PAQR3: variants seen among roughly 807,000 people sequenced by gnomAD.
PAQR3 encodes the protein Raf kinase trapping to Golgi.
PAQR3 carries 39 observed loss-of-function variants against 41.7 expected under a neutral mutation model. That is an observed-to-expected ratio of 0.93 (90% CI 0.72 to 1.22). The LOEUF is 1.22. PAQR3 is among the 50% of genes most tolerant of loss of function. The pLI, the probability that PAQR3 is intolerant of heterozygous loss-of-function variation, is 0.00. For missense variants in PAQR3, 366 were observed against 385.6 expected (o/e 0.95, Z 0.42); for synonymous variants, 140 against 140.6 (o/e 1.00, Z 0.03).
chr4:78,903,040 T>C (rs1734092327), intron 11 of PAQR3, among the ~76,000 whole-genome samples: 1 of 152,060 alleles, frequency 6.6e-6, no homozygotes. Flanking sequence ...CTTTTGAGTT[T>C]AGAATCCTTG....
intron 1 of PAQR3, 148 bp downstream of exon 1, chr4:78,938,892 G>A (rs1378750794): frequency 4.5e-6 from 3 of 667,134 alleles, no homozygotes; most frequent in South Asian, 4.1e-5. Context: ...GATAACGGGG[G>A]AGGAGAGGCG....
chr4:78,891,378 C>A (rs1343131067), intron 11 of PAQR3, among the ~76,000 whole-genome samples: 1 of 152,114 alleles, frequency 6.6e-6, no homozygotes, highest in Non-Finnish European at 1.5e-5. Context: ...ACCTTTTATT[C>A]ATTGTGCTGG....
Position 78,919,397 on chromosome 4 carries a change from G to A in PAQR3, c.*1142C>T, listed in dbSNP as rs149331696. ...ATAAGAGGGCTACAATGTATGATAG[G>A]GCAGTGAGTTCTATTTTTTAAGTAT... is the stretch of plus-strand genomic sequence containing the variant. On this transcript the variant is annotated 3_prime_UTR_variant, in exon 6 of 6. Transcript: ENST00000512733. The A allele has an allele frequency of 3.0e-6, 3 of 984,368 alleles. No homozygotes were observed. The African/African-American group carries it at 5.2e-5, about 17-fold the overall frequency. 61.0% of individuals were successfully genotyped at this position (984,368 alleles called of 1,614,324 possible).
chr4:78,926,595 C>G lies in PAQR3; in HGVS notation c.628G>C (p.Val210Leu). ...QRLRSIIFCS[V>L]SGYGVIPTLH... ...GTAGGAATCACTCCATATCCCGAAA[C>G]AGAACAAAAGATGATAGAACGGAGC... is the stretch of plus-strand genomic sequence containing the variant. Residue 210 changes from valine to leucine, a missense_variant, in exon 4 of 6, where the codon GTT becomes CTT. Physicochemically the swap from Val to Leu is conservative, Grantham distance 32. Coordinates refer to ENST00000512733, the MANE Select transcript of PAQR3 (RefSeq NM_001040202.2). The G allele has an allele frequency of 6.2e-7, 1 of 1,614,022 alleles. No homozygotes were observed. Among genetic ancestry groups the G allele is most frequent in the Non-Finnish European group, 8.5e-7 (1 of 1,179,956 alleles).
At chr4:78,894,858 T>TA (rs1733623151) in intron 11 of PAQR3, among the ~76,000 whole-genome samples, 1 of 152,198 alleles carries the variant, frequency 6.6e-6, no homozygotes, top group African/African-American at 2.4e-5. Flanking sequence ...CCTGAACACT[T>TA]AGAGGCCATT....
chr4:78,907,309 G>GT (rs1241176597), downstream of PAQR3, among the ~76,000 whole-genome samples: 5 of 152,144 alleles, frequency 3.3e-5, no homozygotes, highest in Admixed American at 2.0e-4. Context: ...GAAGTATAAA[G>GT]TGACAGATGT....
chr4:78,890,762 C>T lies in PAQR3; in HGVS notation c.*837-2614G>A, dbSNP rs563730141. ...AGAACTGGTTGCTTTCTGGAGCTGT[C>T]ACACTTATAATTCTAGTATTTTTCC... On this transcript the variant is annotated intron_variant and NMD_transcript_variant, in intron 11 of 12. Coordinates refer to the PAQR3 transcript ENST00000342820. 1.6e-4 allele frequency among the ~76,000 whole-genome samples: 24 copies of T among 152,288 alleles called. 1 individual carries two copies. In the South Asian group the frequency reaches 4.4e-3, roughly 28 times the overall value.
chr4:78,927,372 A>T (rs181417152), intron 3 of PAQR3, among the ~76,000 whole-genome samples: 265 of 152,378 alleles, frequency 1.7e-3, no homozygotes, highest in African/African-American at 6.1e-3. Context: ...TCTTTCAAAC[A>T]GACTTATTAG....
chr4:78,919,613 G>A lies in PAQR3; in HGVS notation c.*926C>T. 1 of 985,036 alleles carries A rather than the reference G, an allele frequency of 1.0e-6. No homozygotes were observed. Among genetic ancestry groups the A allele is most frequent in the South Asian group, 4.7e-5 (1 of 21,282 alleles). 61.0% of individuals were successfully genotyped at this position (985,036 alleles called of 1,614,324 possible). A position where few individuals can be genotyped will look rare whatever the true frequency, so the allele number is the denominator to read the frequency against. Reference sequence around the variant, plus strand: ...AGGTTCATTTCAGGGTCAAGACAGGGCCATCTAGATTCTATGGCCTTGCAA... The same window carrying A: ...AGGTTCATTTCAGGGTCAAGACAGGACCATCTAGATTCTATGGCCTTGCAA... On this transcript the variant is annotated 3_prime_UTR_variant, in exon 6 of 6. Transcript: ENST00000512733.
At position 78,918,260 on chromosome 4, in the gene PAQR3, CA is replaced by C; in HGVS notation, c.*2278del. ...TTAATCTTACTTTAATCTATAAAAA[CA>C]AAAATAACTTAAATATACATCATTA... On this transcript the variant is annotated 3_prime_UTR_variant, in exon 6 of 6. Coordinates refer to ENST00000512733, the MANE Select transcript of PAQR3 (RefSeq NM_001040202.2). The C allele has an allele frequency of 1.1e-6, 1 of 932,948 alleles. No individual in the cohort carries two copies. Among genetic ancestry groups the C allele is most frequent in the Non-Finnish European group, 1.3e-6 (1 of 782,908 alleles). The allele number at this position is 932,948 out of a possible 1,614,324, so 57.8% of individuals were successfully genotyped here.
chr4:78,911,874 TG>T, downstream of PAQR3: 7 of 1,613,992 alleles, frequency 4.3e-6, no homozygotes, highest in Non-Finnish European at 5.9e-6. Context: ...ATTCACTACA[TG>T]GGTCATTCCA....
chr4:78,928,922 A>G (rs1258369557), intron 3 of PAQR3, among the ~76,000 whole-genome samples: 1 of 152,242 alleles, frequency 6.6e-6, no homozygotes, highest in Non-Finnish European at 1.5e-5. Flanking sequence ...ATCATCAAGC[A>G]TTACATTGCA....
chr4:78,930,280 G>A lies in PAQR3; in HGVS notation c.394C>T (p.Arg132Trp), dbSNP rs376144025. 13 of 1,613,256 alleles carry A rather than the reference G, an allele frequency of 8.1e-6. No individual in the cohort carries two copies. Among genetic ancestry groups the A allele is most frequent in the East Asian group, 2.2e-5 (1 of 44,832 alleles). Residue 132 changes from arginine to tryptophan, a missense_variant, in exon 3 of 6, where the codon CGG becomes TGG. Physicochemically the swap from Arg to Trp is moderately radical, Grantham distance 101. Coordinates refer to ENST00000512733, the MANE Select transcript of PAQR3 (RefSeq NM_001040202.2). Reference protein sequence around the residue: ...SVGYHLFSCHRSEKTCRRWMA... With the variant: ...SVGYHLFSCHWSEKTCRRWMA... The stretch of plus-strand genomic sequence containing the variant: ...CATCTTCGACATGTTTTTTCTGACC[G>A]ATGGCAGGAAAAAAGATGATAGCCC...
At chr4:78,938,290 A>G (rs115356109) in intron 1 of PAQR3, among the ~76,000 whole-genome samples, 150 of 152,290 alleles carry the variant, frequency 9.8e-4, no homozygotes, top group African/African-American at 3.6e-3. Context: ...GAACTAGAAT[A>G]GTTATTTTTC....
Position 78,918,820 on chromosome 4 carries a change from A to G in PAQR3, c.*1719T>C, listed in dbSNP as rs1389664107. On this transcript the variant is annotated 3_prime_UTR_variant, in exon 6 of 6. Transcript: ENST00000512733. ...TCTTTTGTTTGGCCAAAATGACAAA[A>G]TATCTATTAAAAGGCAATAAAATCA... 2.0e-6 allele frequency: 2 copies of G among 984,578 alleles called. No individual in the cohort carries two copies. The highest frequency in any genetic ancestry group is 4.7e-5 in the South Asian group (1 of 21,278). 61.0% of individuals were successfully genotyped at this position (984,578 alleles called of 1,614,324 possible).
At chr4:78,907,628 AG>A (rs2110104492), downstream of PAQR3, among the ~76,000 whole-genome samples, 1 of 152,334 alleles carries the variant, frequency 6.6e-6, no homozygotes, top group Admixed American at 6.5e-5. Flanking sequence ...GGGAAATCCT[AG>A]GGTTCATAAA....
At position 78,918,796 on chromosome 4, in the gene PAQR3, CTTT is replaced by C; in HGVS notation, c.*1740_*1742del. The C allele has an allele frequency of 1.0e-6, 1 of 984,646 alleles. No homozygotes were observed. Among genetic ancestry groups the C allele is most frequent in the Non-Finnish European group, 1.2e-6 (1 of 829,406 alleles). The allele number at this position is 984,646 out of a possible 1,614,324, so 61.0% of individuals were successfully genotyped here. A position where few individuals can be genotyped will look rare whatever the true frequency, so the allele number is the denominator to read the frequency against. On this transcript the variant is annotated 3_prime_UTR_variant, in exon 6 of 6. Transcript: ENST00000512733. ...TAACTTAAGTGTAACTACTCAGTGT[CTTT>C]TGTTTGGCCAAAATGACAAAATATC...
intron 11 of PAQR3, among the ~76,000 whole-genome samples, chr4:78,905,119 A>T (rs1290757245): frequency 6.6e-6 from 1 of 151,850 alleles, no homozygotes; most frequent in Non-Finnish European, 1.5e-5. Context: ...TAGTTGGGGA[A>T]CAGCATTTGA....
downstream of PAQR3, among the ~76,000 whole-genome samples, chr4:78,908,010 TAAAA>T (rs1476304363): frequency 4.6e-5 from 7 of 152,184 alleles, no homozygotes; most frequent in Admixed American, 3.9e-4. Flanking sequence ...TAAAAATTCA[TAAAA>T]ATAAATTCAC....
Sources: gnomAD v4.1 joint callset for allele counts (sites outside exome capture counted in the v4.1 genomes callset) on GRCh38, gnomAD v4.1.1 for gene constraint, MANE v1.5 for transcripts, NCBI Gene and HGNC (gene_info 2026-07-23, HGNC 2026-07-21) for gene names.